RIMS1: variants seen among roughly 807,000 people sequenced by gnomAD.
The protein encoded by RIMS1 is regulating synaptic membrane exocytosis protein 1.
In RIMS1, 83 loss-of-function variants were observed where a neutral mutation model predicts 214.1. That is an observed-to-expected ratio of 0.39 (90% confidence interval 0.32 to 0.47). The LOEUF is 0.47. RIMS1 is among the 20% of genes least tolerant of loss of function. RIMS1 has a pLI of 0.99. For synonymous variants in RIMS1, 793 were observed against 786.8 expected, an observed-to-expected ratio of 1.01 and a Z score of -0.13; for missense variants, 2,050 against 2,161.8, an observed-to-expected ratio of 0.95 and a Z score of 1.03.
At chr6:72,144,043 T>C (rs935572169) in intron 4 of RIMS1, among the ~76,000 whole-genome samples, 3 of 152,210 alleles carry the variant, frequency 2.0e-5, no homozygotes, top group Non-Finnish European at 4.4e-5. Context: ...ATGAAATTCA[T>C]GGCTTCCAGT....
Position 72,302,959 on chromosome 6 carries a change from A to T in RIMS1, c.3851-4299A>T, listed in dbSNP as rs192952935. Among the ~76,000 whole-genome samples the T allele has an allele frequency of 4.3e-3, 653 of 151,234 alleles. 3 individuals are homozygous for T. Among genetic ancestry groups the T allele is most frequent in the South Asian group, 0.016 (78 of 4,804 alleles). ...TTGCCTATAAACACAAACGTCTGAA[A>T]TTTCAAATTCATTTTAATTTCAAGG... On this transcript the variant is annotated intron_variant, in intron 26 of 33. Transcript: ENST00000521978.
intron 27 of RIMS1, among the ~76,000 whole-genome samples, chr6:72,309,138 A>G (rs985021142): frequency 2.0e-5 from 3 of 152,146 alleles, no homozygotes; most frequent in African/African-American, 7.2e-5. Flanking sequence ...GTAAAGAATC[A>G]GGGTAAAATA....
chr6:72,148,201 G>A (rs2043005616), intron 4 of RIMS1, among the ~76,000 whole-genome samples: 2 of 152,140 alleles, frequency 1.3e-5, no homozygotes, highest in Non-Finnish European at 1.5e-5. Flanking sequence ...AACCATCTGG[G>A]AAGAGAGGAT....
chr6:72,385,886 C>A (rs1029008395), intron 29 of RIMS1, among the ~76,000 whole-genome samples: 2 of 152,138 alleles, frequency 1.3e-5, no homozygotes, highest in Non-Finnish European at 2.9e-5. Context: ...TCTGCCTGGA[C>A]CTTTATATTG....
chr6:72,087,306 A>G (rs1419145913), intron 2 of RIMS1, among the ~76,000 whole-genome samples: 1 of 152,230 alleles, frequency 6.6e-6, no homozygotes, highest in Non-Finnish European at 1.5e-5. Context: ...AGTATTTTTT[A>G]TAACTTTAAC....
Position 72,286,568 on chromosome 6 carries a change from A to G in RIMS1, c.3554+2450A>G, listed in dbSNP as rs138068165. On this transcript the variant is annotated intron_variant, in intron 24 of 33. Transcript: ENST00000521978. The stretch of plus-strand genomic sequence containing the variant: ...TGATTATAATTAAAGCTTTTCATTG[A>G]TTTTTATTAGAGTGTAAACTACATG... Among the ~76,000 whole-genome samples, 708 of 152,308 alleles carry G rather than the reference A, an allele frequency of 4.6e-3. 2 individuals carry two copies. Among genetic ancestry groups the G allele is most frequent in the Non-Finnish European group, 8.7e-3 (590 of 68,016 alleles).
intron 1 of RIMS1, among the ~76,000 whole-genome samples, chr6:71,940,983 G>C (rs1166076472): frequency 6.6e-6 from 1 of 152,082 alleles, no homozygotes; most frequent in African/African-American, 2.4e-5. Flanking sequence ...GGGAAGTCAG[G>C]GTCTCATAGT....
intron 28 of RIMS1, 59 bp downstream of exon 28, chr6:72,313,731 C>G (rs993277417): frequency 2.7e-6 from 4 of 1,477,364 alleles, no homozygotes; most frequent in Non-Finnish European, 3.6e-6. Flanking sequence ...AAAAATACAA[C>G]TAGCTTCCTG....
intron 2 of RIMS1, among the ~76,000 whole-genome samples, chr6:71,973,193 C>T (rs1481101410): frequency 1.3e-5 from 2 of 152,170 alleles, no homozygotes; most frequent in Non-Finnish European, 2.9e-5. Flanking sequence ...CAGGTGTGAG[C>T]CACTGCGCCC....
At chr6:72,019,509 A>G (rs1235392228) in intron 2 of RIMS1, among the ~76,000 whole-genome samples, 4 of 152,232 alleles carry the variant, frequency 2.6e-5, no homozygotes, top group African/African-American at 9.6e-5. Flanking sequence ...CACTATAGTA[A>G]AACCCTTTTA....
At chr6:72,294,138 A>G (rs2154257482) in intron 26 of RIMS1, among the ~76,000 whole-genome samples, 1 of 151,810 alleles carries the variant, frequency 6.6e-6, no homozygotes, top group African/African-American at 2.4e-5. Context: ...GTCTGCCATC[A>G]TCTTTTTATG....
intron 2 of RIMS1, among the ~76,000 whole-genome samples, chr6:72,095,075 C>T (rs1407367825): frequency 1.3e-5 from 2 of 150,756 alleles, no homozygotes; most frequent in Admixed American, 6.6e-5. Flanking sequence ...CCTCAGCCTC[C>T]CAAGTAGCAG....
chr6:72,138,807 GTGT>G (rs945862875), intron 4 of RIMS1, among the ~76,000 whole-genome samples: 1 of 152,168 alleles, frequency 6.6e-6, no homozygotes, highest in Non-Finnish European at 1.5e-5. Flanking sequence ...ATAACACCCA[GTGT>G]TGTTGGGGGT....
At chr6:72,066,555 C>G (rs1829344656) in intron 2 of RIMS1, among the ~76,000 whole-genome samples, 2 of 152,104 alleles carry the variant, frequency 1.3e-5, no homozygotes, top group Non-Finnish European at 2.9e-5. Flanking sequence ...TTCTTTATAA[C>G]TCTTCCCTGT....
intron 24 of RIMS1, 138 bp from the exon 25 acceptor site, chr6:72,290,541 C>T (rs1250513795): frequency 1.4e-6 from 1 of 705,790 alleles, no homozygotes. Context: ...AATTCCATTT[C>T]AATAATTGCG....
intron 7 of RIMS1, 110 bp downstream of exon 7, chr6:72,233,950 A>G (rs2063050964): frequency 2.9e-6 from 2 of 690,480 alleles, no homozygotes; most frequent in Non-Finnish European, 5.0e-6. Context: ...AAGGGCAAAT[A>G]TTGATTTCAT....
At chr6:71,981,634 T>C (rs528206746) in intron 2 of RIMS1, among the ~76,000 whole-genome samples, 2 of 152,256 alleles carry the variant, frequency 1.3e-5, no homozygotes, top group South Asian at 4.1e-4. Flanking sequence ...CATCTAAGTT[T>C]CCTTATTTAT....
chr6:71,982,378 T>G (rs1798717404), intron 2 of RIMS1, among the ~76,000 whole-genome samples: 1 of 152,108 alleles, frequency 6.6e-6, no homozygotes, highest in African/African-American at 2.4e-5. Flanking sequence ...AACACAAAAT[T>G]TAAAGTTCTT....
At chr6:72,233,496 A>T (rs1412709952) in intron 6 of RIMS1, among the ~76,000 whole-genome samples, 1 of 149,500 alleles carries the variant, frequency 6.7e-6, no homozygotes, top group Non-Finnish European at 1.5e-5. Flanking sequence ...GGAGGGGCAG[A>T]TTAACCCTGT....
Sources: gnomAD v4.1 joint callset for allele counts (sites outside exome capture counted in the v4.1 genomes callset) on GRCh38, gnomAD v4.1.1 for gene constraint, MANE v1.5 for transcripts, NCBI Gene and HGNC (gene_info 2026-07-23, HGNC 2026-07-21) for gene names.